Variants in SPAG16 observed in about 807,000 individuals in gnomAD.
SPAG16 encodes the protein sperm-associated antigen 16 protein.
In SPAG16, 86 loss-of-function variants were observed where a neutral mutation model predicts 80.4. The ratio of observed to expected loss-of-function variants is 1.07; its 90% CI spans 0.90 to 1.28. SPAG16 has a LOEUF of 1.28. SPAG16 is among the 50% of genes most tolerant of loss of function. The pLI, the probability that SPAG16 is intolerant of heterozygous loss-of-function variation, is 0.00. For synonymous variants in SPAG16, 294 were observed against 265.9 expected (o/e 1.11, Z -1.03); for missense variants, 870 against 765.3 (o/e 1.14, Z -1.61).
intron 10 of SPAG16, among the ~76,000 whole-genome samples, chr2:213,577,982 A>T (rs867850469): frequency 6.6e-6 from 1 of 152,072 alleles, no homozygotes; most frequent in South Asian, 2.1e-4. Context: ...TTTGCTCTGC[A>T]ATAACTAAAA....
intron 9 of SPAG16, among the ~76,000 whole-genome samples, chr2:213,433,122 A>C (rs2070404415): frequency 6.6e-6 from 1 of 152,202 alleles, no homozygotes; most frequent in African/African-American, 2.4e-5. Flanking sequence ...AATAAAGGGC[A>C]TATATGACAA....
rs2057729086 is a variant in SPAG16, at chr2:214,193,430, A to AT, written c.1720+44164_1720+44165insT. Among the ~76,000 whole-genome samples, 279 of 85,658 alleles carry AT rather than the reference A, an allele frequency of 3.3e-3. 1 individual carries two copies. Among genetic ancestry groups the AT allele is most frequent in the South Asian group, 4.5e-3 (10 of 2,236 alleles). 56.2% of individuals were successfully genotyped at this position (85,658 alleles called of 152,430 possible). ...GTGTGTGTGTGTGTGTGTGTATGAG[A>AT]GAGAGAGAGAGAGAGAGAGAGAGAG... On this transcript the variant is annotated intron_variant, in intron 15 of 15. Transcript: ENST00000331683.
chr2:213,285,710 G>C (rs2062030754), intron 1 of SPAG16, among the ~76,000 whole-genome samples: 1 of 152,134 alleles, frequency 6.6e-6, no homozygotes, highest in Admixed American at 6.5e-5. Flanking sequence ...TATTTTATTG[G>C]GTGCAAAAAC....
chr2:214,310,564 T>TG (rs895994985), intron 15 of SPAG16, among the ~76,000 whole-genome samples: 4 of 152,200 alleles, frequency 2.6e-5, no homozygotes, highest in African/African-American at 9.6e-5. Context: ...ATTGAGATGA[T>TG]GTGTGGAAGC....
chr2:214,223,582 C>A lies in SPAG16; in HGVS notation c.1720+74316C>A, dbSNP rs2125781984. ...TGGTATTTAGTAGCAAAATTTAAAG[C>A]AATAAAATAGTTTTGGTAATGGTAT... On this transcript the variant is annotated intron_variant, in intron 15 of 15. Transcript: ENST00000331683. Among the ~76,000 whole-genome samples, 3 of 151,916 alleles carry A rather than the reference C, an allele frequency of 2.0e-5. No individual in the cohort carries two copies. In the South Asian group the frequency reaches 6.2e-4, roughly 32 times the overall value.
intron 10 of SPAG16, among the ~76,000 whole-genome samples, chr2:213,630,836 A>T (rs1269730424): frequency 6.6e-6 from 1 of 152,216 alleles, no homozygotes; most frequent in Non-Finnish European, 1.5e-5. Flanking sequence ...GAGATAAGAT[A>T]GGCAACGGTC....
chr2:213,791,647 AT>A (rs1377337797), intron 10 of SPAG16, among the ~76,000 whole-genome samples: 2 of 152,178 alleles, frequency 1.3e-5, no homozygotes, highest in Non-Finnish European at 2.9e-5. Flanking sequence ...AAAAATATTC[AT>A]TCTGAAATCT....
chr2:213,694,469 C>T (rs1341433650), intron 10 of SPAG16, among the ~76,000 whole-genome samples: 4 of 152,112 alleles, frequency 2.6e-5, no homozygotes, highest in African/African-American at 4.8e-5. Context: ...GTTCCATATG[C>T]GTTGCTTTCT....
chr2:213,440,477 C>A lies in SPAG16; in HGVS notation c.943-49486C>A, dbSNP rs780759315. On this transcript the variant is annotated intron_variant, in intron 9 of 15. Transcript: ENST00000331683. ...GGCTGAGGCAGGAGAATGGTGTGAA[C>A]CCAGGAGGCTGAACTTGCAGTGAGC... Among the ~76,000 whole-genome samples, 5 of 152,268 alleles carry A rather than the reference C, an allele frequency of 3.3e-5. No homozygotes were observed. In the South Asian group the frequency reaches 6.2e-4, roughly 19 times the overall value.
intron 11 of SPAG16, among the ~76,000 whole-genome samples, chr2:213,912,813 G>A (rs140868381): frequency 6.6e-6 from 1 of 152,144 alleles, no homozygotes; most frequent in East Asian, 1.9e-4. Context: ...TGGCCCAGCT[G>A]ACCTACAAAT....
chr2:213,723,125 T>C (rs1487723901), intron 10 of SPAG16, among the ~76,000 whole-genome samples: 2 of 152,188 alleles, frequency 1.3e-5, no homozygotes, highest in Non-Finnish European at 2.9e-5. Flanking sequence ...TTTTCTCCTC[T>C]CCTATGGATA....
intron 15 of SPAG16, chr2:214,238,081 AT>A: frequency 3.1e-6 from 1 of 325,988 alleles, no homozygotes; most frequent in African/African-American, 2.2e-5. Flanking sequence ...CATCAAGAAT[AT>A]TTTTTATTCC....
In SPAG16 at chr2:213,360,333, G is replaced by T. The variant is rs375211508; in HGVS notation, c.763-3743G>T. Among the ~76,000 whole-genome samples, 45 of 152,350 alleles carry T rather than the reference G, an allele frequency of 3.0e-4. 1 individual carries two copies. The highest frequency in any genetic ancestry group is 3.4e-3 in the Middle Eastern group (1 of 294). On this transcript the variant is annotated intron_variant, in intron 7 of 15. Coordinates refer to ENST00000331683, the MANE Select transcript of SPAG16 (RefSeq NM_024532.5). ...ATTGATGGAGCCAATGCAAGTCCTA[G>T]TTATAGGACAAGCTGTGTAAATATC...
At chr2:213,670,799 G>C (rs181336404) in intron 10 of SPAG16, among the ~76,000 whole-genome samples, 18 of 152,228 alleles carry the variant, frequency 1.2e-4, no homozygotes, top group Non-Finnish European at 2.1e-4. Context: ...TTAGAAAGTT[G>C]CTTAGTTTTT....
At chr2:213,330,612 C>G (rs994728515) in intron 5 of SPAG16, among the ~76,000 whole-genome samples, 5 of 152,178 alleles carry the variant, frequency 3.3e-5, no homozygotes, top group Admixed American at 6.5e-5. Context: ...CTTGCTTTGT[C>G]TCAGATAAGA....
chr2:214,221,005 A>G (rs1376309113), intron 15 of SPAG16, among the ~76,000 whole-genome samples: 1 of 152,138 alleles, frequency 6.6e-6, no homozygotes, highest in African/African-American at 2.4e-5. Flanking sequence ...ATGAGGGCCA[A>G]TGTATTCCTT....
chr2:214,263,297 C>T (rs1241106213), intron 15 of SPAG16, among the ~76,000 whole-genome samples: 2 of 152,100 alleles, frequency 1.3e-5, no homozygotes, highest in East Asian at 3.9e-4. Flanking sequence ...CTCATCTGTC[C>T]TCTCCGGTGA....
intron 12 of SPAG16, among the ~76,000 whole-genome samples, chr2:213,950,758 G>C (rs2079726697): frequency 7.1e-6 from 1 of 141,542 alleles, no homozygotes. Context: ...GCCCAGACTG[G>C]AGTGCAGTGG....
chr2:213,964,209 A>G (rs1248627312), intron 12 of SPAG16, among the ~76,000 whole-genome samples: 1 of 151,796 alleles, frequency 6.6e-6, no homozygotes, highest in African/African-American at 2.4e-5. Context: ...TGGTATATAC[A>G]TGTAGTATAT....
Sources: allele counts gnomAD v4.1 joint callset (sites outside exome capture counted in the v4.1 genomes callset), GRCh38; gene constraint gnomAD v4.1.1; transcripts MANE v1.5; gene names NCBI Gene and HGNC (gene_info 2026-07-23, HGNC 2026-07-21).